Variants in LRP6 observed in about 807,000 individuals in gnomAD.
The protein encoded by LRP6 is LDL receptor related protein 6.
A neutral mutation model predicts 184.1 loss-of-function variants in LRP6; 43 were observed. The ratio of observed to expected loss-of-function variants is 0.23; its 90% CI spans 0.18 to 0.30. The LOEUF is 0.30. LRP6 is among the 10% of genes least tolerant of loss of function. The pLI, the probability that LRP6 is intolerant of heterozygous loss-of-function variation, is 1.00. For synonymous variants in LRP6, 719 were observed against 684.9 expected, an observed-to-expected ratio of 1.05 and a Z score of -0.78; for missense variants, 1,571 against 2,005.3, an observed-to-expected ratio of 0.78 and a Z score of 4.14.
chr12:12,257,055 A>G (rs370994875), intron 1 of LRP6, among the ~76,000 whole-genome samples: 52 of 152,328 alleles, frequency 3.4e-4, no homozygotes, highest in African/African-American at 1.2e-3. Context: ...TATTCAGAGT[A>G]AGCAAATCCA....
In LRP6 at chr12:12,244,360, A is replaced by G. The variant is rs113120971; in HGVS notation, c.351T>C (p.Asn117=). 38 of 1,614,216 alleles carry G rather than the reference A, an allele frequency of 2.4e-5. No individual in the cohort carries two copies. In the African/African-American group the frequency reaches 2.8e-4, roughly 12 times the overall value. The part of the protein sequence containing the change: ...EKLYWTDSET[N]RIEVSNLDGS... Reference sequence around the variant, plus strand: ...CATCTAAATTAGAAACTTCAATCCGATTAGTTTCAGAATCTGTCCAGTACA... The same window carrying G: ...CATCTAAATTAGAAACTTCAATCCGGTTAGTTTCAGAATCTGTCCAGTACA... The change falls in exon 2 of 23, where the codon AAT becomes AAC. Residue 117 remains asparagine (N), a synonymous_variant. Coordinates refer to ENST00000261349, the MANE Select transcript of LRP6 (RefSeq NM_002336.3).
At chr12:12,257,812 T>TAAAAAAG (rs1865507818) in intron 1 of LRP6, among the ~76,000 whole-genome samples, 1 of 67,326 alleles carries the variant, frequency 1.5e-5, no homozygotes, top group Non-Finnish European at 3.0e-5. Context: ...AAAAAAAAAT[T>TAAAAAAG]AAAAATGAGC....
rs1865590579 is a variant in LRP6 at position 12,260,599 on chromosome 12, TC to T, written c.55+6081del. Among the ~76,000 whole-genome samples the T allele has an allele frequency of 2.0e-5, 3 of 152,312 alleles. No individual in the cohort carries two copies. In the South Asian group the frequency reaches 6.2e-4, roughly 32 times the overall value. Reference sequence around the variant, plus strand: ...ACCAGTCTTTCCAGAGTATAATGTTTCTTTTAATTCGGCCATCTTAATAATA... The same window carrying T: ...ACCAGTCTTTCCAGAGTATAATGTTTTTTTAATTCGGCCATCTTAATAATA... On this transcript the variant is annotated intron_variant, in intron 1 of 22. Coordinates refer to ENST00000261349, the MANE Select transcript of LRP6 (RefSeq NM_002336.3).
rs550832162 is a variant in LRP6 at position 12,239,308 on chromosome 12, G to A, written c.449+4954C>T. The stretch of plus-strand genomic sequence containing the variant: ...TTCTATGCAAAAGCCAACTGGAAAC[G>A]GATATGATCTCAGAAAAAGAACAAA... On this transcript the variant is annotated intron_variant, in intron 2 of 22. Coordinates refer to ENST00000261349, the MANE Select transcript of LRP6 (RefSeq NM_002336.3). Among the ~76,000 whole-genome samples the A allele has an allele frequency of 1.1e-4, 17 of 152,246 alleles. No homozygotes were observed. The South Asian group carries it at 3.1e-3, about 28-fold the overall frequency.
chr12:12,235,023 T>G (rs1864896179), intron 2 of LRP6, among the ~76,000 whole-genome samples: 1 of 151,980 alleles, frequency 6.6e-6, no homozygotes, highest in African/African-American at 2.4e-5. Flanking sequence ...GGGACTAGGA[T>G]AGAAGGGATG....
intron 12 of LRP6, among the ~76,000 whole-genome samples, chr12:12,152,605 T>G (rs546518615): frequency 4.6e-5 from 7 of 152,172 alleles, no homozygotes; most frequent in African/African-American, 1.7e-4. Context: ...TCTGGGAGAC[T>G]ACCAACAACT....
At chr12:12,201,356 T>C (rs1863910661) in intron 3 of LRP6, among the ~76,000 whole-genome samples, 2 of 152,196 alleles carry the variant, frequency 1.3e-5, no homozygotes, top group South Asian at 2.1e-4. Context: ...TGCTCTAGCT[T>C]CTTCTGTCTT....
intron 2 of LRP6, among the ~76,000 whole-genome samples, chr12:12,219,066 C>T (rs1282267644): frequency 1.5e-5 from 2 of 132,462 alleles, no homozygotes; most frequent in African/African-American, 2.8e-5. Flanking sequence ...GGTGAAATCG[C>T]ACCGAGATCT....
chr12:12,172,793 G>A (rs1305221138), intron 7 of LRP6, among the ~76,000 whole-genome samples: 1 of 152,154 alleles, frequency 6.6e-6, no homozygotes, highest in Non-Finnish European at 1.5e-5. Flanking sequence ...TTTCAATCAT[G>A]CCAAATCTCA....
intron 2 of LRP6, among the ~76,000 whole-genome samples, chr12:12,204,297 A>G (rs1209607196): frequency 1.4e-4 from 20 of 145,486 alleles, no homozygotes; most frequent in African/African-American, 3.9e-4. Flanking sequence ...AAAAAAAAAA[A>G]AGGAGGGGGG....
intron 1 of LRP6, chr12:12,249,499 T>A (rs1441648322): frequency 3.2e-6 from 2 of 617,024 alleles, no homozygotes; most frequent in Non-Finnish European, 5.7e-6. Context: ...GCCCTTCCTC[T>A]TCCCCCTCAT....
intron 4 of LRP6, among the ~76,000 whole-genome samples, chr12:12,185,459 T>A (rs925882443): frequency 6.6e-6 from 1 of 152,190 alleles, no homozygotes; most frequent in Non-Finnish European, 1.5e-5. Flanking sequence ...AATATTTGAT[T>A]ATCTCCCCCT....
At chr12:12,215,083 C>T (rs1864306122) in intron 2 of LRP6, among the ~76,000 whole-genome samples, 1 of 152,236 alleles carries the variant, frequency 6.6e-6, no homozygotes, top group Admixed American at 6.5e-5. Flanking sequence ...CATGGCAATA[C>T]TTGTTGTCTC....
chr12:12,184,165 G>C, intron 4 of LRP6, 54 bp from the exon 5 acceptor site: 1 of 1,524,692 alleles, frequency 6.6e-7, no homozygotes, highest in Non-Finnish European at 9.1e-7. Context: ...GTACACAAAG[G>C]TTAACAACCA....
At chr12:12,189,655 C>T (rs920967310) in intron 3 of LRP6, among the ~76,000 whole-genome samples, 2 of 152,086 alleles carry the variant, frequency 1.3e-5, no homozygotes, top group African/African-American at 4.8e-5. Context: ...GCATGCACCA[C>T]CATGCCTGGC....
At chr12:12,247,620 T>C (rs571952468) in intron 1 of LRP6, among the ~76,000 whole-genome samples, 45 of 152,330 alleles carry the variant, frequency 3.0e-4, no homozygotes, top group African/African-American at 1.1e-3. Flanking sequence ...GTTCATCCTG[T>C]CCAACCACCC....
At chr12:12,240,818 T>A (rs1865044987) in intron 2 of LRP6, among the ~76,000 whole-genome samples, 1 of 152,184 alleles carries the variant, frequency 6.6e-6, no homozygotes, top group Non-Finnish European at 1.5e-5. Context: ...GGAATCAGAC[T>A]GAGGGGCTCC....
intron 1 of LRP6, among the ~76,000 whole-genome samples, chr12:12,255,030 T>C (rs1368958822): frequency 1.3e-5 from 2 of 152,240 alleles, no homozygotes. Context: ...TTACTATTAT[T>C]GCTACACCTA....
intron 2 of LRP6, among the ~76,000 whole-genome samples, chr12:12,243,858 T>C (rs1412703936): frequency 6.6e-6 from 1 of 152,142 alleles, no homozygotes; most frequent in Non-Finnish European, 1.5e-5. Flanking sequence ...TCAAGTGATT[T>C]TCGTGCCTCA....
Sources: gnomAD v4.1 joint callset for allele counts (sites outside exome capture counted in the v4.1 genomes callset) on GRCh38, gnomAD v4.1.1 for gene constraint, MANE v1.5 for transcripts, NCBI Gene and HGNC (gene_info 2026-07-23, HGNC 2026-07-21) for gene names.